GLT1D1: variants seen among roughly 807,000 people sequenced by gnomAD.
GLT1D1 encodes the protein glycosyltransferase 1 domain containing 1.
A neutral mutation model predicts 28.7 loss-of-function variants in GLT1D1; 21 were observed. The observed-to-expected ratio is 0.73, with a 90% CI of 0.52 to 1.05. The LOEUF is 1.05. Among genes scored for constraint, GLT1D1 ranks in the 50% least tolerant of loss-of-function variants. The pLI is 0.00. For synonymous variants in GLT1D1, 147 were observed against 124.8 expected (o/e 1.18, Z -1.19); for missense variants, 343 against 330.6 (o/e 1.04, Z -0.29).
intron 4 of GLT1D1, among the ~76,000 whole-genome samples, chr12:128,934,604 C>G (rs1325724974): frequency 2.6e-5 from 4 of 152,168 alleles, no homozygotes; most frequent in Admixed American, 2.0e-4. Context: ...GAAGAAACCA[C>G]ACCAGCTCAG....
intron 4 of GLT1D1, among the ~76,000 whole-genome samples, chr12:128,938,046 C>G (rs374187729): frequency 2.0e-5 from 3 of 152,142 alleles, no homozygotes; most frequent in Non-Finnish European, 4.4e-5. Flanking sequence ...TGAGGAAATA[C>G]TTTGGACAGA....
intron 7 of GLT1D1, among the ~76,000 whole-genome samples, chr12:128,969,596 C>A (rs1272940165): frequency 6.6e-6 from 1 of 152,210 alleles, no homozygotes; most frequent in East Asian, 1.9e-4. Context: ...ACTGCTCAGG[C>A]ACAGAGGCTG....
chr12:128,865,238 A>G (rs912159734), intron 1 of GLT1D1, among the ~76,000 whole-genome samples: 2 of 152,214 alleles, frequency 1.3e-5, no homozygotes, highest in Admixed American at 1.3e-4. Context: ...CGTCAGGCCC[A>G]TAGCACCTGC....
intron 1 of GLT1D1, among the ~76,000 whole-genome samples, chr12:128,859,263 G>C (rs1956300869): frequency 6.6e-6 from 1 of 152,236 alleles, no homozygotes. Context: ...TGGGAGAACG[G>C]AGGGGGAGGC....
chr12:128,867,411 A>AAAAC, intron 1 of GLT1D1, among the ~76,000 whole-genome samples: 1 of 142,538 alleles, frequency 7.0e-6, no homozygotes, highest in African/African-American at 2.6e-5. Flanking sequence ...AAAAAAAAAA[A>AAAAC]AAAAACAGAA....
chr12:128,971,541 C>T (rs1406095616), intron 7 of GLT1D1, among the ~76,000 whole-genome samples: 1 of 127,144 alleles, frequency 7.9e-6, no homozygotes. Context: ...TTTCTCTCTC[C>T]TTCTCTCTCT....
chr12:128,928,425 G>A (rs1873508986), intron 4 of GLT1D1, among the ~76,000 whole-genome samples: 1 of 152,066 alleles, frequency 6.6e-6, no homozygotes, highest in South Asian at 2.1e-4. Context: ...GACCAAACAC[G>A]TGCTGTGTTC....
intron 3 of GLT1D1, among the ~76,000 whole-genome samples, chr12:128,896,437 AT>A (rs149770296): frequency 1.8e-4 from 27 of 149,208 alleles, no homozygotes; most frequent in Middle Eastern, 3.4e-3. Context: ...CAAATTACCA[AT>A]TTTTTTTTTG....
intron 7 of GLT1D1, among the ~76,000 whole-genome samples, chr12:128,974,182 G>A (rs910923598): frequency 3.9e-5 from 6 of 152,220 alleles, no homozygotes; most frequent in African/African-American, 9.6e-5. Context: ...TCCAAAAAGC[G>A]CTTGGAAAAC....
intron 3 of GLT1D1, among the ~76,000 whole-genome samples, chr12:128,893,380 TGCTGTTTTGTAG>T (rs756525673): frequency 8.5e-5 from 13 of 152,190 alleles, no homozygotes; most frequent in Non-Finnish European, 1.9e-4. Context: ...GAGGTGAATT[TGCTGTTTTGTAG>T]GCATAAAATG....
chr12:128,859,542 C>A (rs28583964), intron 1 of GLT1D1, among the ~76,000 whole-genome samples: 29,096 of 152,114 alleles, frequency 0.19, 3,343 homozygotes, highest in Admixed American at 0.27. Context: ...GTGCACAGGG[C>A]AGCCCCTCCC....
chr12:128,972,307 C>T (rs1263277130), intron 7 of GLT1D1, among the ~76,000 whole-genome samples: 1 of 152,244 alleles, frequency 6.6e-6, no homozygotes, highest in African/African-American at 2.4e-5. Flanking sequence ...TGGCCTGGCT[C>T]CAGCTCCACG....
intron 1 of GLT1D1, among the ~76,000 whole-genome samples, chr12:128,857,219 A>G (rs1301163989): frequency 1.3e-5 from 2 of 152,110 alleles, no homozygotes; most frequent in South Asian, 2.1e-4. Context: ...TCACTCCCCC[A>G]TCATTCTGTT....
chr12:128,907,159 C>T (rs932773137), intron 4 of GLT1D1, among the ~76,000 whole-genome samples: 1 of 152,160 alleles, frequency 6.6e-6, no homozygotes, highest in African/African-American at 2.4e-5. Context: ...CAGACCATAC[C>T]TTTTATTAGA....
At chr12:128,879,434 C>CTTTCTTTA (rs1566096654) in intron 2 of GLT1D1, among the ~76,000 whole-genome samples, 1 of 102,318 alleles carries the variant, frequency 9.8e-6, no homozygotes, top group Non-Finnish European at 1.9e-5. Context: ...TTCTTTCTTT[C>CTTTCTTTA]TTTCTTTCTT....
At chr12:128,981,285 G>T (rs1369949608) in intron 7 of GLT1D1, among the ~76,000 whole-genome samples, 1 of 152,124 alleles carries the variant, frequency 6.6e-6, no homozygotes, top group Non-Finnish European at 1.5e-5. Context: ...CTCTTTTATT[G>T]AGGATTTGGT....
At chr12:128,935,274 C>T (rs959360149) in intron 4 of GLT1D1, among the ~76,000 whole-genome samples, 3 of 152,142 alleles carry the variant, frequency 2.0e-5, no homozygotes, top group African/African-American at 7.2e-5. Flanking sequence ...TAGCCGGGCG[C>T]GGTGGCTCAC....
At chr12:128,973,438 C>G (rs570051951) in intron 7 of GLT1D1, among the ~76,000 whole-genome samples, 200 of 151,294 alleles carry the variant, frequency 1.3e-3, no homozygotes, top group African/African-American at 4.8e-3. Context: ...AGTGATCCAC[C>G]CACCTCGGCC....
intron 4 of GLT1D1, among the ~76,000 whole-genome samples, chr12:128,908,361 T>TTTCCCTTTCTTTCTTTTC (rs1555266884): frequency 2.5e-5 from 3 of 119,920 alleles, no homozygotes; most frequent in Admixed American, 8.0e-5. Context: ...TCTTTCTTTC[T>TTTCCCTTTCTTTCTTTTC]TTTCTTTCTT....
Sources: allele counts gnomAD v4.1 joint callset (sites outside exome capture counted in the v4.1 genomes callset), GRCh38; gene constraint gnomAD v4.1.1; transcripts MANE v1.5; gene names NCBI Gene and HGNC (gene_info 2026-07-23, HGNC 2026-07-21).